Variants in VPS13D observed in about 807,000 individuals in gnomAD.
VPS13D encodes vacuolar protein sorting 13 homolog D, also known as intermembrane lipid transfer protein VPS13D.
A neutral mutation model predicts 461.9 loss-of-function variants in VPS13D; 187 were observed. That is an observed-to-expected ratio of 0.40 (90% CI 0.36 to 0.46). The LOEUF is 0.46. Among genes scored for constraint, VPS13D ranks in the 20% least tolerant of loss-of-function variants. The probability of loss-of-function intolerance (pLI) is 0.60; values close to 1 mark genes in which losing one functional copy is unlikely to be tolerated. For synonymous variants in VPS13D, 1,951 were observed against 1,986.3 expected, an observed-to-expected ratio of 0.98 and a Z score of 0.47; for missense variants, 4,711 against 5,364.9, an observed-to-expected ratio of 0.88 and a Z score of 3.81.
At position 12,264,529 on chromosome 1, in the gene VPS13D, T is replaced by C. The variant is rs182242761; in HGVS notation, c.1595-2352T>C. Among the ~76,000 whole-genome samples the C allele has an allele frequency of 3.3e-5, 5 of 152,324 alleles. No homozygotes were observed. In the East Asian group the frequency reaches 9.6e-4, roughly 29 times the overall value. ...GCCTTACTGCTGCAATGGAGAAAGT[T>C]TGGTCTGGATAGAAGATCAAAGCAG... On this transcript the variant is annotated intron_variant, in intron 13 of 69. Coordinates refer to ENST00000620676, the MANE Select transcript of VPS13D (RefSeq NM_015378.4).
chr1:12,386,195 G>A lies in VPS13D; in HGVS notation c.11495G>A (p.Arg3832Lys). 1 of 1,611,450 alleles carries A rather than the reference G, an allele frequency of 6.2e-7. No individual in the cohort carries two copies. The highest frequency in any genetic ancestry group is 8.5e-7 in the Non-Finnish European group (1 of 1,178,836). ...TTGGTTTCCTTTCAGGTGCTTGTGA[G>A]GTTAGAAGGTGGAATTGGGTTGTCC... ...DTEQELEVLV[R>K]LEGGIGLSLI... The change falls in exon 60 of 70, where the codon AGG (arginine) becomes AAG (lysine). Residue 3832 changes from arginine (R) to lysine (K), a missense_variant. By Grantham distance (26) the Arg-to-Lys change is conservative (BLOSUM62 2). Coordinates refer to ENST00000620676, the MANE Select transcript of VPS13D (RefSeq NM_015378.4).
chr1:12,458,353 C>T (rs1645357127), intron 66 of VPS13D, among the ~76,000 whole-genome samples: 1 of 152,142 alleles, frequency 6.6e-6, no homozygotes, highest in Admixed American at 6.5e-5. Flanking sequence ...TTCTGTCTCT[C>T]AGGTCCCAGT....
Position 12,257,998 on chromosome 1 carries a change from A to G in VPS13D, c.1005A>G (p.Lys335=). ...TGTATGAGATCAGAGAGCAGAGGAAACGTTGCACCTGGGACTTTATGTTGC... is the reference window on the plus strand; with the variant it reads ...TGTATGAGATCAGAGAGCAGAGGAAGCGTTGCACCTGGGACTTTATGTTGC... ...ANLYEIREQR[K]RCTWDFMLHR... Residue 335 remains lysine (K), a synonymous_variant, in exon 10 of 70, where the codon AAA becomes AAG. Coordinates refer to ENST00000620676, the MANE Select transcript of VPS13D (RefSeq NM_015378.4). 1.2e-6 allele frequency: 2 copies of G among 1,614,182 alleles called. No homozygotes were observed.
rs992535644 is a variant in VPS13D, at chr1:12,321,968, A to T, written c.7704+4A>T. 7 of 1,613,256 alleles carry T rather than the reference A, an allele frequency of 4.3e-6. No individual in the cohort carries two copies. Among genetic ancestry groups the T allele is most frequent in the Non-Finnish European group, 5.9e-6 (7 of 1,179,676 alleles). Reference sequence around the variant, plus strand: ...AGATTTCCCACCTGTCCTGGAGGTAATGATGCAAAATCTGTGCAATACGTT... The same window carrying T: ...AGATTTCCCACCTGTCCTGGAGGTATTGATGCAAAATCTGTGCAATACGTT... On this transcript the variant is annotated splice_donor_region_variant and intron_variant, in intron 33 of 69. Coordinates refer to ENST00000620676, the MANE Select transcript of VPS13D (RefSeq NM_015378.4).
At chr1:12,486,946 C>A (rs1306848771) in intron 67 of VPS13D, among the ~76,000 whole-genome samples, 1 of 152,088 alleles carries the variant, frequency 6.6e-6, no homozygotes, top group Non-Finnish European at 1.5e-5. Flanking sequence ...CGCATGGCTT[C>A]CCTCAACACC....
At chr1:12,290,910 T>C in intron 22 of VPS13D, 88 bp from the exon 23 acceptor site, 1 of 1,286,382 alleles carries the variant, frequency 7.8e-7, no homozygotes, top group South Asian at 2.2e-5. Flanking sequence ...GTCTGAGGCA[T>C]GTGTATACCA....
At chr1:12,294,132 G>A (rs868862006) in intron 24 of VPS13D, among the ~76,000 whole-genome samples, 7 of 152,250 alleles carry the variant, frequency 4.6e-5, no homozygotes, top group Middle Eastern at 3.4e-3. Flanking sequence ...TGGTATTTCC[G>A]TTTACAAAGT....
At chr1:12,369,107 A>G (rs1557737443) in intron 53 of VPS13D, among the ~76,000 whole-genome samples, 1 of 152,206 alleles carries the variant, frequency 6.6e-6, no homozygotes, top group African/African-American at 2.4e-5. Context: ...AATATATCAT[A>G]GGGGGTTTGG....
At chr1:12,455,861 A>G (rs1007267321) in intron 65 of VPS13D, 137 bp from the exon 66 acceptor site, 10 of 1,078,836 alleles carry the variant, frequency 9.3e-6, no homozygotes, top group Admixed American at 7.1e-5. Flanking sequence ...GGAGGTTGTG[A>G]TGAGATGAGA....
At chr1:12,478,887 C>T (rs752663284) in intron 67 of VPS13D, 38 of 455,620 alleles carry the variant, frequency 8.3e-5, no homozygotes, top group South Asian at 5.1e-4. Context: ...GGTCAGATGC[C>T]GGCCGTGGAG....
chr1:12,332,409 T>C (rs1410463542), intron 37 of VPS13D, among the ~76,000 whole-genome samples: 1 of 152,226 alleles, frequency 6.6e-6, no homozygotes, highest in Non-Finnish European at 1.5e-5. Context: ...CAATGTGATG[T>C]AGCAGTATGC....
rs542228203 is a variant in VPS13D at position 12,369,529 on chromosome 1, C to T, written c.10635C>T (p.Pro3545=). ...AEPRLRTEVK[P]MTSLDYAWDE... ...CCAGGCTCCGGACTGAAGTGAAGCC[C>T]ATGACTTCATTGGATTATGCCTGGG... The change falls in exon 54 of 70, where the codon CCC becomes CCT. Residue 3545 remains proline, a synonymous_variant. Transcript: ENST00000620676. The T allele has an allele frequency of 2.7e-4, 439 of 1,614,140 alleles. 7 individuals are homozygous for T. The South Asian group carries it at 4.4e-3, about 16-fold the overall frequency.
At chr1:12,409,121 G>C (rs1262793610) in intron 63 of VPS13D, among the ~76,000 whole-genome samples, 1 of 151,894 alleles carries the variant, frequency 6.6e-6, no homozygotes, top group Non-Finnish European at 1.5e-5. Flanking sequence ...TTATACAAGA[G>C]CTGTTTATTT....
intron 49 of VPS13D, among the ~76,000 whole-genome samples, chr1:12,357,325 G>A (rs954204581): frequency 2.6e-5 from 4 of 151,834 alleles, no homozygotes; most frequent in Non-Finnish European, 5.9e-5. Flanking sequence ...CATGGAAAGA[G>A]GATTGATGAG....
At chr1:12,300,462 C>T (rs1035516057) in intron 25 of VPS13D, among the ~76,000 whole-genome samples, 2 of 152,106 alleles carry the variant, frequency 1.3e-5, no homozygotes, top group Non-Finnish European at 2.9e-5. Context: ...CCCGCCTTGG[C>T]CTCCCAAAGT....
intron 21 of VPS13D, 122 bp from the exon 22 acceptor site, chr1:12,288,101 A>T: frequency 1.3e-6 from 1 of 795,464 alleles, no homozygotes; most frequent in Non-Finnish European, 2.1e-6. Context: ...TGGCATTGTT[A>T]AAAGCATTAC....
chr1:12,358,614 T>C lies in VPS13D; in HGVS notation c.10141+13T>C. 1 of 1,613,406 alleles carries C rather than the reference T, an allele frequency of 6.2e-7. No individual in the cohort carries two copies. The highest frequency in any genetic ancestry group is 8.5e-7 in the Non-Finnish European group (1 of 1,179,618). ...ATCTATAACATTGGTGGGTTACATT[T>C]GGGGCAGCGGGACAATCAGAACCAT... On this transcript the variant is annotated intron_variant, in intron 50 of 69. Transcript: ENST00000620676.
chr1:12,373,732 A>T lies in VPS13D; in HGVS notation c.10809-18A>T. ...GTATATATATTTTTATGTAATATAT[A>T]TATTTTTTAAATTCTAGCTTGCAGG... On this transcript the variant is annotated intron_variant, in intron 54 of 69. Transcript: ENST00000620676. 7.2e-7 allele frequency: 1 copy of T among 1,395,222 alleles called. No homozygotes were observed. Among genetic ancestry groups the T allele is most frequent in the Non-Finnish European group, 9.4e-7 (1 of 1,069,120 alleles). The allele number at this position is 1,395,222 out of a possible 1,614,324, so 86.4% of individuals were successfully genotyped here.
rs191842358 is a variant in VPS13D, at chr1:12,282,105, C to G, written c.4603-600C>G. Among the ~76,000 whole-genome samples the G allele has an allele frequency of 1.6e-4, 25 of 152,262 alleles. No individual in the cohort carries two copies. In the East Asian group the frequency reaches 4.6e-3, roughly 28 times the overall value. The stretch of plus-strand genomic sequence containing the variant: ...GTTTCACCATGTAGCCCAAGCTGGT[C>G]TTGAACTCCTGGGCTCACACAGTCT... On this transcript the variant is annotated intron_variant, in intron 20 of 69. Coordinates refer to ENST00000620676, the MANE Select transcript of VPS13D (RefSeq NM_015378.4).
Sources: gnomAD v4.1 joint callset for allele counts (sites outside exome capture counted in the v4.1 genomes callset) on GRCh38, gnomAD v4.1.1 for gene constraint, MANE v1.5 for transcripts, NCBI Gene and HGNC (gene_info 2026-07-23, HGNC 2026-07-21) for gene names.